The following UGT1A9 variants were observed in gnomAD, a reference collection of about 807,000 sequenced individuals.
UGT1A9 encodes the protein UDP-glucuronosyltransferase 1A9.
In UGT1A9, 35 loss-of-function variants were observed where a neutral mutation model predicts 45.0. That is an observed-to-expected ratio of 0.78 (90% CI 0.59 to 1.03). UGT1A9 has a LOEUF of 1.03. Ranked by LOEUF, UGT1A9 falls within the 50% of genes least tolerant of loss-of-function variation. UGT1A9 has a pLI of 0.00. For synonymous variants in UGT1A9, 278 were observed against 250.6 expected, an observed-to-expected ratio of 1.11 and a Z score of -1.03; for missense variants, 687 against 666.6, an observed-to-expected ratio of 1.03 and a Z score of -0.34.
At chr2:233,676,590 A>C (rs1030669770) in intron 1 of UGT1A9, among the ~76,000 whole-genome samples, 1 of 152,164 alleles carries the variant, frequency 6.6e-6, no homozygotes, top group Non-Finnish European at 1.5e-5. Context: ...AAATGTAGTC[A>C]TCATGTCTCC....
intron 1 of UGT1A9, among the ~76,000 whole-genome samples, chr2:233,757,900 G>A (rs1226953924): frequency 6.6e-6 from 1 of 152,060 alleles, no homozygotes; most frequent in African/African-American, 2.4e-5. Flanking sequence ...CACTTTCCAT[G>A]GACGTGTCAC....
At chr2:233,763,963 A>G (rs1698440106) in intron 1 of UGT1A9, among the ~76,000 whole-genome samples, 1 of 152,196 alleles carries the variant, frequency 6.6e-6, no homozygotes, top group Non-Finnish European at 1.5e-5. Flanking sequence ...GAAGGTTGAG[A>G]TATATGTGGG....
chr2:233,683,343 A>G (rs1255064988), intron 1 of UGT1A9, among the ~76,000 whole-genome samples: 1 of 152,188 alleles, frequency 6.6e-6, no homozygotes, highest in African/African-American at 2.4e-5. Flanking sequence ...ATTGCATGGT[A>G]GTCTTTACTT....
chr2:233,713,194 A>T, intron 1 of UGT1A9: 1 of 1,614,210 alleles, frequency 6.2e-7, no homozygotes. Context: ...GTGAATATGT[A>T]CATCAAAGAA....
Position 233,672,045 on chromosome 2 carries a change from C to G in UGT1A9, c.111C>G (p.His37Gln), listed in dbSNP as rs1369123983. The change falls in exon 1 of 5, where the codon CAC becomes CAG. Residue 37 changes from histidine to glutamine, a missense_variant. Coordinates refer to ENST00000354728, the MANE Select transcript of UGT1A9 (RefSeq NM_021027.3). ...KLLVVPMDGS[H>Q]WFTMRSVVEK... ...TGGTAGTGCCCATGGATGGGAGCCA[C>G]TGGTTCACCATGAGGTCGGTGGTGG... 6.2e-7 allele frequency: 1 copy of G among 1,614,022 alleles called. No individual in the cohort carries two copies. Among genetic ancestry groups the G allele is most frequent in the African/African-American group, 1.3e-5 (1 of 74,918 alleles).
intron 1 of UGT1A9, among the ~76,000 whole-genome samples, chr2:233,683,627 A>G (rs1205357250): frequency 2.0e-5 from 3 of 152,166 alleles, no homozygotes; most frequent in South Asian, 4.1e-4. Flanking sequence ...TTTTATTTCC[A>G]TAAATAAAAT....
At chr2:233,728,412 A>G (rs1046404926) in intron 1 of UGT1A9, among the ~76,000 whole-genome samples, 2 of 152,174 alleles carry the variant, frequency 1.3e-5, no homozygotes, top group Non-Finnish European at 2.9e-5. Flanking sequence ...TGCTTTAGAT[A>G]GCAGCACCTC....
intron 1 of UGT1A9, among the ~76,000 whole-genome samples, chr2:233,744,313 G>A (rs1203522735): frequency 6.6e-6 from 1 of 151,838 alleles, no homozygotes; most frequent in Non-Finnish European, 1.5e-5. Context: ...GAGGGAAGAG[G>A]GTGGTGGGAG....
At chr2:233,761,742 A>T (rs1697852650) in intron 1 of UGT1A9, among the ~76,000 whole-genome samples, 2 of 152,204 alleles carry the variant, frequency 1.3e-5, no homozygotes, top group South Asian at 4.1e-4. Flanking sequence ...TCCCCTACAG[A>T]GTTTGAAGTA....
chr2:233,729,130 G>A, intron 1 of UGT1A9: 3 of 1,613,182 alleles, frequency 1.9e-6, no homozygotes, highest in Non-Finnish European at 2.5e-6. Context: ...TGCTGAGATG[G>A]CCACAGGACT....
intron 1 of UGT1A9, chr2:233,681,932 T>A: frequency 6.2e-7 from 1 of 1,611,200 alleles, no homozygotes; most frequent in South Asian, 1.1e-5. Flanking sequence ...GGGCTGAAGT[T>A]CTCTGATGGC....
At chr2:233,689,411 C>G (rs1415837333) in intron 1 of UGT1A9, among the ~76,000 whole-genome samples, 1 of 152,188 alleles carries the variant, frequency 6.6e-6, no homozygotes, top group Admixed American at 6.5e-5. Context: ...GACCCAATCT[C>G]TCTAATGGCT....
chr2:233,672,403 G>A lies in UGT1A9; in HGVS notation c.469G>A (p.Val157Ile), dbSNP rs2074225648. 1 of 1,613,980 alleles carries A rather than the reference G, an allele frequency of 6.2e-7. No homozygotes were observed. The highest frequency in any genetic ancestry group is 2.2e-5 in the East Asian group (1 of 44,880). ...LDPFDNCGLI[V>I]AKYFSLPSVV... ...TCCTTTTGATAACTGTGGCTTAATT[G>A]TTGCCAAATATTTCTCCCTCCCCTC... is the stretch of plus-strand genomic sequence containing the variant. Residue 157 changes from valine (V) to isoleucine (I), a missense_variant, in exon 1 of 5, where the codon GTT becomes ATT. By Grantham distance (29) the Val-to-Ile change is conservative. Transcript: ENST00000354728.
chr2:233,712,254 C>T (rs1465603390), intron 1 of UGT1A9, among the ~76,000 whole-genome samples: 2 of 152,330 alleles, frequency 1.3e-5, no homozygotes, highest in Admixed American at 1.3e-4. Flanking sequence ...GGTTGTCTTG[C>T]ACATGTGTGC....
At chr2:233,682,786 G>A in intron 1 of UGT1A9, 1 of 1,612,112 alleles carries the variant, frequency 6.2e-7, no homozygotes, top group Non-Finnish European at 8.5e-7. Flanking sequence ...GAAAGCCAGT[G>A]CCTATGGTAA....
At chr2:233,733,540 G>A (rs1459592747) in intron 1 of UGT1A9, among the ~76,000 whole-genome samples, 2 of 152,164 alleles carry the variant, frequency 1.3e-5, no homozygotes, top group Non-Finnish European at 2.9e-5. Flanking sequence ...TTTGTTGAAG[G>A]CCTTTTCTGC....
At chr2:233,724,165 C>CT (rs1189702988) in intron 1 of UGT1A9, among the ~76,000 whole-genome samples, 2 of 112,674 alleles carry the variant, frequency 1.8e-5, no homozygotes, top group African/African-American at 8.4e-5. Context: ...GGGGGGCTGA[C>CT]CCCCCCATCT....
chr2:233,681,308 C>T (rs1559338818), intron 1 of UGT1A9, among the ~76,000 whole-genome samples: 1 of 151,822 alleles, frequency 6.6e-6, no homozygotes, highest in Non-Finnish European at 1.5e-5. Context: ...CCGAGATGGG[C>T]AGATTGCCTG....
chr2:233,748,202 A>G (rs1693892993), intron 1 of UGT1A9: 1 of 1,528,284 alleles, frequency 6.5e-7, no homozygotes. Flanking sequence ...GCTTGTCGTA[A>G]TAGCCTTCAG....
Sources: gnomAD v4.1 joint callset for allele counts (sites outside exome capture counted in the v4.1 genomes callset) on GRCh38, gnomAD v4.1.1 for gene constraint, MANE v1.5 for transcripts, NCBI Gene and HGNC (gene_info 2026-07-23, HGNC 2026-07-21) for gene names.